Variants in ANAPC5 observed in about 807,000 individuals in gnomAD.
ANAPC5 encodes the protein anaphase promoting complex subunit 5, also known as anaphase-promoting complex subunit 5.
A neutral mutation model predicts 91.3 loss-of-function variants in ANAPC5; 60 were observed. The observed-to-expected ratio is 0.66, with a 90% CI of 0.53 to 0.81. The LOEUF (loss-of-function observed/expected upper bound fraction) is 0.81. Among genes scored for constraint, ANAPC5 ranks in the 40% least tolerant of loss-of-function variants. The pLI, the probability that ANAPC5 is intolerant of heterozygous loss-of-function variation, is 0.00. For synonymous variants in ANAPC5, 340 were observed against 364.1 expected (o/e 0.93, Z 0.75); for missense variants, 690 against 931.5 (o/e 0.74, Z 3.37).
chr12:121,348,275 C>T (rs973819900), intron 1 of ANAPC5, among the ~76,000 whole-genome samples: 8 of 152,186 alleles, frequency 5.3e-5, no homozygotes, highest in Middle Eastern at 3.2e-3. Context: ...CTGGAAAACA[C>T]TATACAAATA....
intron 15 of ANAPC5, 144 bp from the exon 16 acceptor site, chr12:121,310,007 C>T (rs1421547170): frequency 1.5e-6 from 1 of 668,808 alleles, no homozygotes; most frequent in Non-Finnish European, 2.3e-6. Flanking sequence ...ACAGGAACCA[C>T]ATTCCTAGAA....
At chr12:121,316,732 C>CA (rs35989752) in intron 15 of ANAPC5, among the ~76,000 whole-genome samples, 6,063 of 28,788 alleles carry the variant, frequency 0.21, 1,286 homozygotes, top group African/African-American at 0.41. Flanking sequence ...GACTCTGTCT[C>CA]AAAAAAAAAA....
rs1402301764 is a variant in ANAPC5 at position 121,322,429 on chromosome 12, G to A, written c.1441-1970C>T. On this transcript the variant is annotated intron_variant, in intron 11 of 16. Transcript: ENST00000261819. ...CCACCTCAGCCCCCCAAATTGCTGG[G>A]ATTACAGGCATGAGCCACCGTGTCC... 3.3e-5 allele frequency among the ~76,000 whole-genome samples: 5 copies of A among 152,154 alleles called. No individual in the cohort carries two copies. In the East Asian group the frequency reaches 9.6e-4, roughly 29 times the overall value.
rs782160562 is a variant in ANAPC5, at chr12:121,335,610, A to G, written c.873T>C (p.Asn291=). ...LILTGAESKS[N]GEEGYGRSLR... ...AGCTCCGGCCATAGCCCTCTTCCCC[A>G]TTACTTTTGCTTTCGGCTCCGGTAA... Residue 291 remains asparagine, a synonymous_variant, in exon 7 of 17, where the codon AAT becomes AAC. Transcript: ENST00000261819. 2.5e-6 allele frequency: 4 copies of G among 1,614,084 alleles called. No individual in the cohort carries two copies. The highest frequency in any genetic ancestry group is 2.7e-5 in the African/African-American group (2 of 75,064).
At chr12:121,308,914 C>G (rs764548180) in intron 16 of ANAPC5, among the ~76,000 whole-genome samples, 63 of 150,608 alleles carry the variant, frequency 4.2e-4, no homozygotes, top group Non-Finnish European at 8.1e-4. Flanking sequence ...TTTGGGAGGC[C>G]GAGGCGGGTG....
intron 15 of ANAPC5, among the ~76,000 whole-genome samples, chr12:121,316,320 T>C (rs1902357362): frequency 6.6e-6 from 1 of 152,198 alleles, no homozygotes; most frequent in Admixed American, 6.5e-5. Flanking sequence ...TGTGGAGAAA[T>C]TGGAACCCTC....
chr12:121,327,557 C>T, intron 10 of ANAPC5: 1 of 299,800 alleles, frequency 3.3e-6, no homozygotes, highest in South Asian at 3.8e-5. Context: ...AGACCCGATG[C>T]CATCCTGGCA....
chr12:121,338,330 C>T (rs577805779), intron 5 of ANAPC5, among the ~76,000 whole-genome samples: 33 of 152,158 alleles, frequency 2.2e-4, no homozygotes, highest in Non-Finnish European at 3.2e-4. Context: ...TGGCTCACAC[C>T]TGTAATCCCA....
intron 5 of ANAPC5, among the ~76,000 whole-genome samples, chr12:121,341,304 T>C (rs1555274070): frequency 6.6e-6 from 1 of 152,152 alleles, no homozygotes; most frequent in African/African-American, 2.4e-5. Flanking sequence ...ACCCCATCTC[T>C]ACTAAAGATA....
chr12:121,338,267 TC>T (rs1430799127), intron 5 of ANAPC5, among the ~76,000 whole-genome samples: 1 of 152,124 alleles, frequency 6.6e-6, no homozygotes, highest in Non-Finnish European at 1.5e-5. Flanking sequence ...AAAAATAATT[TC>T]TAATTCCATT....
At chr12:121,330,379 T>G (rs1380399591) in intron 9 of ANAPC5, among the ~76,000 whole-genome samples, 1 of 152,238 alleles carries the variant, frequency 6.6e-6, no homozygotes, top group Non-Finnish European at 1.5e-5. Context: ...ACAGATGTTA[T>G]TAGGATACAG....
chr12:121,317,253 CTTTT>C (rs763895505), intron 15 of ANAPC5, among the ~76,000 whole-genome samples: 4 of 140,956 alleles, frequency 2.8e-5, no homozygotes, highest in East Asian at 2.0e-4. Context: ...GTGTTACATA[CTTTT>C]TTTTTTTTTT....
chr12:121,343,446 T>C (rs1903535998), intron 4 of ANAPC5, among the ~76,000 whole-genome samples: 1 of 152,146 alleles, frequency 6.6e-6, no homozygotes, highest in South Asian at 2.1e-4. Context: ...GATAAAGAGC[T>C]CAAAGCACAG....
intron 5 of ANAPC5, 43 bp downstream of exon 5, chr12:121,341,960 G>T: frequency 6.8e-7 from 1 of 1,470,338 alleles, no homozygotes; most frequent in East Asian, 2.3e-5. Context: ...ACACATCACA[G>T]GACTAGAACA....
At chr12:121,337,479 T>G (rs782193704) in intron 5 of ANAPC5, 87 bp from the exon 6 acceptor site, 36 of 1,051,660 alleles carry the variant, frequency 3.4e-5, no homozygotes, top group Non-Finnish European at 5.1e-5. Flanking sequence ...CTGATTATTT[T>G]CTTTTCTACA....
At chr12:121,319,502 G>A (rs1240674861) in intron 13 of ANAPC5, among the ~76,000 whole-genome samples, 195 bp downstream of exon 13, 1 of 151,820 alleles carries the variant, frequency 6.6e-6, no homozygotes, top group Non-Finnish European at 1.5e-5. Context: ...CCAAAGTGCT[G>A]GGATTACAGG....
At chr12:121,328,175 T>C (rs1566186823) in intron 10 of ANAPC5, 141 bp downstream of exon 10, 29 of 741,126 alleles carry the variant, frequency 3.9e-5, no homozygotes, top group Non-Finnish European at 4.1e-5. Context: ...AAATGTTTTA[T>C]AGTCTAAAAC....
chr12:121,336,167 T>C (rs549492340), intron 6 of ANAPC5, among the ~76,000 whole-genome samples: 114 of 152,294 alleles, frequency 7.5e-4, no homozygotes, highest in African/African-American at 2.6e-3. Flanking sequence ...TTAATTATTT[T>C]CATTTTTTTT....
intron 7 of ANAPC5, 190 bp from the exon 8 acceptor site, chr12:121,331,618 T>C (rs931289551): frequency 5.5e-5 from 24 of 436,754 alleles, no homozygotes; most frequent in Non-Finnish European, 9.5e-5. Flanking sequence ...AGTGGAAATA[T>C]AGGACATGTC....
Sources: gnomAD v4.1 joint callset for allele counts (sites outside exome capture counted in the v4.1 genomes callset) on GRCh38, gnomAD v4.1.1 for gene constraint, MANE v1.5 for transcripts, NCBI Gene and HGNC (gene_info 2026-07-23, HGNC 2026-07-21) for gene names.